The following PDZRN3 variants were observed in gnomAD, a reference collection of about 807,000 sequenced individuals.
PDZRN3 encodes the protein E3 ubiquitin-protein ligase PDZRN3.
A neutral mutation model predicts 85.7 loss-of-function variants in PDZRN3; 38 were observed. The observed-to-expected ratio is 0.44, with a 90% confidence interval of 0.34 to 0.58. The LOEUF is 0.58. PDZRN3 is among the 20% of genes least tolerant of loss of function. The pLI is 0.01. For missense variants in PDZRN3, 1,629 were observed against 1,506.4 expected (o/e 1.08, Z -1.35); for synonymous variants, 759 against 638.0 (o/e 1.19, Z -2.86).
At chr3:73,441,571 C>T (rs35268823) in intron 3 of PDZRN3, among the ~76,000 whole-genome samples, 12,551 of 152,074 alleles carry the variant, frequency 0.083, 578 homozygotes, top group Middle Eastern at 0.17. Flanking sequence ...ACGGTCAGGA[C>T]GAAGTATTTC....
chr3:73,468,401 C>A (rs1255853414), intron 3 of PDZRN3, among the ~76,000 whole-genome samples: 1 of 151,948 alleles, frequency 6.6e-6, no homozygotes, highest in Non-Finnish European at 1.5e-5. Flanking sequence ...TTGTTTTAAG[C>A]ACCTTTTCCC....
At position 73,624,226 on chromosome 3, in the gene PDZRN3, G is replaced by A. The variant is rs1484629205; in HGVS notation, c.600C>T (p.Ala200=). 3.4e-6 allele frequency: 5 copies of A among 1,482,280 alleles called. No individual in the cohort carries two copies. In the African/African-American group the frequency reaches 4.4e-5, roughly 13 times the overall value. 91.8% of individuals were successfully genotyped at this position (1,482,280 alleles called of 1,614,324 possible). The change falls in exon 1 of 10, where the codon GCC becomes GCT. Residue 200 remains alanine, a synonymous_variant. Coordinates refer to ENST00000263666, the MANE Select transcript of PDZRN3 (RefSeq NM_015009.3). ...RAGKREKSLV[A]QLAAAQLELQ... ...GCTCAAGCTGCGCCGCGGCCAGCTG[G>A]GCCACCAGCGACTTCTCGCGCTTCC...
intron 3 of PDZRN3, among the ~76,000 whole-genome samples, chr3:73,449,885 G>A (rs1702824062): frequency 1.3e-5 from 2 of 152,092 alleles, no homozygotes; most frequent in Non-Finnish European, 2.9e-5. Context: ...CGTAGATGAG[G>A]CAATTGACTT....
intron 3 of PDZRN3, among the ~76,000 whole-genome samples, chr3:73,467,390 T>C (rs1450264017): frequency 2.0e-5 from 3 of 152,300 alleles, no homozygotes; most frequent in African/African-American, 7.2e-5. Context: ...AAAGGACAAA[T>C]ATTTGTTTCT....
At chr3:73,497,799 C>T (rs908647205) in intron 3 of PDZRN3, among the ~76,000 whole-genome samples, 2 of 148,984 alleles carry the variant, frequency 1.3e-5, no homozygotes, top group South Asian at 2.1e-4. Flanking sequence ...CGGCACAGCG[C>T]CCCCCGTCCC....
At chr3:73,433,035 G>C (rs1459554326) in intron 3 of PDZRN3, among the ~76,000 whole-genome samples, 1 of 152,160 alleles carries the variant, frequency 6.6e-6, no homozygotes, top group Non-Finnish European at 1.5e-5. Flanking sequence ...TGCTCACAAT[G>C]ACTCAGAAGA....
intron 3 of PDZRN3, among the ~76,000 whole-genome samples, chr3:73,415,951 C>A (rs1194152725): frequency 2.1e-5 from 3 of 145,134 alleles, no homozygotes; most frequent in Non-Finnish European, 4.5e-5. Context: ...TGGACATTTG[C>A]CAAGAGAGTA....
In PDZRN3 at chr3:73,431,968, A is replaced by G. The variant is rs113539541; in HGVS notation, c.919-27573T>C. On this transcript the variant is annotated intron_variant, in intron 3 of 9. Coordinates refer to ENST00000263666, the MANE Select transcript of PDZRN3 (RefSeq NM_015009.3). ...GTAGAGTTACTTTTTGGAGGGTGCCAGTGTAATTAATACATCCACAACTGT... is the reference window on the plus strand; with the variant it reads ...GTAGAGTTACTTTTTGGAGGGTGCCGGTGTAATTAATACATCCACAACTGT... Among the ~76,000 whole-genome samples the G allele has an allele frequency of 2.1e-3, 317 of 152,320 alleles. 1 individual carries two copies. Among genetic ancestry groups the G allele is most frequent in the African/African-American group, 7.4e-3 (308 of 41,558 alleles).
chr3:73,569,430 T>C (rs1413531699), intron 3 of PDZRN3: 2 of 1,147,856 alleles, frequency 1.7e-6, no homozygotes, highest in South Asian at 1.9e-5. Context: ...GTCTCTTCCA[T>C]GTCACGTTCT....
chr3:73,523,877 G>C (rs1040493570), intron 3 of PDZRN3, among the ~76,000 whole-genome samples: 1 of 152,276 alleles, frequency 6.6e-6, no homozygotes, highest in East Asian at 1.9e-4. Flanking sequence ...TTTTCAAAAA[G>C]CAGCAGGAAA....
rs935852586 is a variant in PDZRN3 at position 73,540,564 on chromosome 3, T to A, written c.918+61790A>T. Among the ~76,000 whole-genome samples the A allele has an allele frequency of 1.6e-4, 24 of 152,302 alleles. No homozygotes were observed. The South Asian group carries it at 3.5e-3, about 22-fold the overall frequency. ...GGTTACCCTCATGCTGCTGTTCTTG[T>A]GATAGTGAATGAGTTCTCACAAGAT... On this transcript the variant is annotated intron_variant, in intron 3 of 9. Coordinates refer to ENST00000263666, the MANE Select transcript of PDZRN3 (RefSeq NM_015009.3).
intron 3 of PDZRN3, among the ~76,000 whole-genome samples, chr3:73,484,378 C>A (rs1389890032): frequency 6.6e-6 from 1 of 152,014 alleles, no homozygotes; most frequent in Non-Finnish European, 1.5e-5. Context: ...CCAGTGTATG[C>A]ACCAGAGTGG....
At chr3:73,459,935 A>G (rs199500246) in intron 3 of PDZRN3, among the ~76,000 whole-genome samples, 17 of 152,324 alleles carry the variant, frequency 1.1e-4, no homozygotes, top group South Asian at 8.3e-4. Context: ...AAGTCCATGC[A>G]TGCCTTTTCA....
intron 3 of PDZRN3, among the ~76,000 whole-genome samples, chr3:73,537,768 C>T (rs1481515080): frequency 4.0e-5 from 6 of 150,874 alleles, no homozygotes; most frequent in African/African-American, 4.9e-5. Context: ...TACAGGCCTG[C>T]GCCACCACAC....
At position 73,624,115 on chromosome 3, in the gene PDZRN3, C is replaced by T; in HGVS notation, c.711G>A (p.Pro237=). 1 of 1,462,502 alleles carries T rather than the reference C, an allele frequency of 6.8e-7. No individual in the cohort carries two copies. Among genetic ancestry groups the T allele is most frequent in the Non-Finnish European group, 9.0e-7 (1 of 1,115,404 alleles). 90.6% of individuals were successfully genotyped at this position (1,462,502 alleles called of 1,614,324 possible). ...LDSLSRCVAA[P]PGGKGEETKS... ...AGCAGGCGCCTACCTTGCCGCCGGG[C>T]GGCGCGGCCACGCAGCGGCTGAGCG... Residue 237 remains proline, a synonymous_variant, in exon 1 of 10, where the codon CCG becomes CCA. Coordinates refer to ENST00000263666, the MANE Select transcript of PDZRN3 (RefSeq NM_015009.3).
intron 3 of PDZRN3, among the ~76,000 whole-genome samples, chr3:73,541,396 T>A: frequency 6.6e-6 from 1 of 152,240 alleles, no homozygotes; most frequent in Non-Finnish European, 1.5e-5. Context: ...AAATTCTTGA[T>A]ACATATTAAT....
rs533035054 is a variant in PDZRN3 at position 73,538,927 on chromosome 3, T to G, written c.918+63427A>C. Among the ~76,000 whole-genome samples, 8 of 152,278 alleles carry G rather than the reference T, an allele frequency of 5.3e-5. No individual in the cohort carries two copies. The East Asian group carries it at 1.5e-3, about 29-fold the overall frequency. Reference sequence around the variant, plus strand: ...TGTCTCTTTTGTTCCTTAATCTAGTTGCTTATACAAGAGTACATTGATCAA... The same window carrying G: ...TGTCTCTTTTGTTCCTTAATCTAGTGGCTTATACAAGAGTACATTGATCAA... On this transcript the variant is annotated intron_variant, in intron 3 of 9. Transcript: ENST00000263666.
chr3:73,397,728 C>T (rs899398842), intron 5 of PDZRN3, among the ~76,000 whole-genome samples: 11 of 152,124 alleles, frequency 7.2e-5, no homozygotes, highest in Non-Finnish European at 1.3e-4. Flanking sequence ...GGACTGAGGA[C>T]GACATCTGTC....
In PDZRN3 at chr3:73,383,794, C is replaced by T. The variant is rs1389609520; in HGVS notation, c.2772G>A (p.Lys924=). 8 of 1,613,574 alleles carry T rather than the reference C, an allele frequency of 5.0e-6. No individual in the cohort carries two copies. The highest frequency in any genetic ancestry group is 6.8e-6 in the Non-Finnish European group (8 of 1,180,030). Residue 924 remains lysine, a synonymous_variant, in exon 10 of 10, where the codon AAG becomes AAA. Transcript: ENST00000263666. Reference sequence around the variant, plus strand: ...TGTAGCGCGTCCCGTCGCTGCGGATCTTCACCTTCCACTCCATGCGCGGCT... The same window carrying T: ...TGTAGCGCGTCCCGTCGCTGCGGATTTTCACCTTCCACTCCATGCGCGGCT... ...PSEPRMEWKV[K]IRSDGTRYIT... is the part of the protein sequence containing the mutation.
Sources: gnomAD v4.1 joint callset for allele counts (sites outside exome capture counted in the v4.1 genomes callset) on GRCh38, gnomAD v4.1.1 for gene constraint, MANE v1.5 for transcripts, NCBI Gene and HGNC (gene_info 2026-07-23, HGNC 2026-07-21) for gene names.